Variants in FGGY observed in about 807,000 individuals in gnomAD.
FGGY encodes the protein FGGY carbohydrate kinase domain-containing protein.
FGGY carries 72 observed loss-of-function variants against 71.3 expected under a neutral mutation model. The observed-to-expected ratio is 1.01, with a 90% confidence interval of 0.84 to 1.23. FGGY has a LOEUF of 1.23. Among genes scored for constraint, FGGY ranks in the 50% most tolerant of loss-of-function variants. The probability of loss-of-function intolerance (pLI) is 0.00; values close to 1 mark genes in which losing one functional copy is unlikely to be tolerated. For missense variants in FGGY, 668 were observed against 682.3 expected (o/e 0.98, Z 0.23); for synonymous variants, 251 against 250.3 (o/e 1.00, Z -0.02).
At chr1:59,638,463 G>A in intron 11 of FGGY, 88 bp downstream of exon 11, 5 of 1,525,300 alleles carry the variant, frequency 3.3e-6, no homozygotes, top group Admixed American at 2.0e-5. Context: ...AAAAGGAAAA[G>A]AAAAAAATAA....
intron 14 of FGGY, among the ~76,000 whole-genome samples, chr1:59,708,201 G>A (rs1208169967): frequency 6.6e-6 from 1 of 152,126 alleles, no homozygotes; most frequent in Admixed American, 6.5e-5. Flanking sequence ...ATGGGAAGGA[G>A]GTTATGTTTG....
At chr1:59,420,220 C>G (rs11207446) in intron 5 of FGGY, among the ~76,000 whole-genome samples, 3,808 of 152,250 alleles carry the variant, frequency 0.025, 146 homozygotes, top group African/African-American at 0.087. Flanking sequence ...TACATCCTGA[C>G]TCCAAATGCT....
At chr1:59,325,676 T>G (rs2047308032) in intron 2 of FGGY, among the ~76,000 whole-genome samples, 1 of 152,246 alleles carries the variant, frequency 6.6e-6, no homozygotes, top group African/African-American at 2.4e-5. Flanking sequence ...AATTAATGGC[T>G]GTTGAATGAA....
At chr1:59,643,280 C>G (rs1420808113) in intron 11 of FGGY, among the ~76,000 whole-genome samples, 1 of 152,074 alleles carries the variant, frequency 6.6e-6, no homozygotes. Context: ...CCTTGAACTT[C>G]TGAGCTCAAG....
At chr1:59,464,766 T>C (rs6660198) in intron 6 of FGGY, among the ~76,000 whole-genome samples, 56,484 of 151,836 alleles carry the variant, frequency 0.37, 11,075 homozygotes, top group Middle Eastern at 0.49. Context: ...AACTAGAAAA[T>C]CTGGAAGAAA....
chr1:59,616,202 A>C (rs1030303566), intron 9 of FGGY, among the ~76,000 whole-genome samples: 3 of 152,232 alleles, frequency 2.0e-5, no homozygotes, highest in Non-Finnish European at 4.4e-5. Context: ...TTATTGTGGC[A>C]CTATTCACAA....
At chr1:59,473,923 A>C (rs1258651100) in intron 6 of FGGY, among the ~76,000 whole-genome samples, 1 of 152,144 alleles carries the variant, frequency 6.6e-6, no homozygotes, top group Non-Finnish European at 1.5e-5. Context: ...CCCCTTAGCT[A>C]TCCTCCCTTC....
intron 14 of FGGY, among the ~76,000 whole-genome samples, chr1:59,716,994 A>G (rs1255292686): frequency 6.6e-6 from 1 of 152,314 alleles, no homozygotes; most frequent in Non-Finnish European, 1.5e-5. Flanking sequence ...TTTCAGAATA[A>G]CAATAGTGAT....
intron 11 of FGGY, among the ~76,000 whole-genome samples, chr1:59,642,019 C>CT (rs2097034645): frequency 6.6e-6 from 1 of 152,148 alleles, no homozygotes; most frequent in Non-Finnish European, 1.5e-5. Flanking sequence ...CCCAGCCACT[C>CT]TTTCAGTTCA....
intron 14 of FGGY, chr1:59,699,371 T>C: frequency 6.1e-6 from 6 of 985,434 alleles, no homozygotes; most frequent in Non-Finnish European, 7.2e-6. Flanking sequence ...AAGTGTTTCA[T>C]ATTAAATGTA....
chr1:59,313,014 A>G (rs2044660282), intron 1 of FGGY, among the ~76,000 whole-genome samples: 1 of 152,208 alleles, frequency 6.6e-6, no homozygotes, highest in Non-Finnish European at 1.5e-5. Context: ...CTCAGTAAAG[A>G]GCATAAGGAT....
chr1:59,653,665 T>C (rs950711801), intron 11 of FGGY, among the ~76,000 whole-genome samples: 35 of 152,196 alleles, frequency 2.3e-4, no homozygotes, highest in African/African-American at 8.2e-4. Flanking sequence ...GACTCCCTAG[T>C]GAGATGAACC....
At chr1:59,576,655 C>T (rs1561619) in intron 8 of FGGY, among the ~76,000 whole-genome samples, 9,473 of 139,196 alleles carry the variant, frequency 0.068, 695 homozygotes, top group African/African-American at 0.19. Context: ...CTAGAGATTA[C>T]AGACAGACAG....
intron 6 of FGGY, among the ~76,000 whole-genome samples, chr1:59,468,256 T>C (rs907134069): frequency 3.9e-5 from 6 of 152,232 alleles, no homozygotes; most frequent in Admixed American, 6.5e-5. Flanking sequence ...TTGAATTAAA[T>C]AATACTACTA....
chr1:59,377,692 T>C (rs2058840004), intron 4 of FGGY, among the ~76,000 whole-genome samples: 2 of 152,094 alleles, frequency 1.3e-5, no homozygotes, highest in Admixed American at 1.3e-4. Context: ...ACTTACCGGC[T>C]TTGATTTCCA....
intron 5 of FGGY, among the ~76,000 whole-genome samples, chr1:59,450,063 C>T (rs1572289746): frequency 6.6e-6 from 1 of 152,296 alleles, no homozygotes; most frequent in South Asian, 2.1e-4. Flanking sequence ...GATTTTAGGT[C>T]ATTTACATTT....
rs188706554 is a variant in FGGY, at chr1:59,743,020, T to C, written c.1513-14911T>C. Among the ~76,000 whole-genome samples the C allele has an allele frequency of 1.8e-3, 274 of 152,330 alleles. 1 individual carries two copies. The highest frequency in any genetic ancestry group is 6.3e-3 in the African/African-American group (261 of 41,582). On this transcript the variant is annotated intron_variant, in intron 14 of 15. Transcript: ENST00000303721. Reference sequence around the variant, plus strand: ...CTCTTGCTTAAAACTCTCCAGTGGCTTCTCCTTGACTTTGGCATAACTCAA... The same window carrying C: ...CTCTTGCTTAAAACTCTCCAGTGGCCTCTCCTTGACTTTGGCATAACTCAA...
At chr1:59,751,330 A>C (rs577811124) in intron 14 of FGGY, among the ~76,000 whole-genome samples, 2 of 152,332 alleles carry the variant, frequency 1.3e-5, no homozygotes, top group South Asian at 4.1e-4. Context: ...TGGCAGTGGT[A>C]GTCGGCCCCT....
chr1:59,451,826 G>A (rs1176779900), intron 5 of FGGY, among the ~76,000 whole-genome samples: 1 of 152,096 alleles, frequency 6.6e-6, no homozygotes, highest in Non-Finnish European at 1.5e-5. Flanking sequence ...CATTATTCTA[G>A]TGTCTTCTAC....
Sources: allele counts gnomAD v4.1 joint callset (sites outside exome capture counted in the v4.1 genomes callset), GRCh38; gene constraint gnomAD v4.1.1; transcripts MANE v1.5; gene names NCBI Gene and HGNC (gene_info 2026-07-23, HGNC 2026-07-21).